The following PIBF1 variants were observed in gnomAD, a reference collection of about 807,000 sequenced individuals.
PIBF1 encodes the protein progesterone immunomodulatory binding factor 1.
In PIBF1, 90 loss-of-function variants were observed where a neutral mutation model predicts 112.5. The ratio of observed to expected loss-of-function variants is 0.80; its 90% CI spans 0.67 to 0.95. The LOEUF (loss-of-function observed/expected upper bound fraction) is 0.95. Ranked by LOEUF, PIBF1 falls within the 40% of genes least tolerant of loss-of-function variation. The probability of loss-of-function intolerance (pLI) is 0.00; values close to 1 mark genes in which losing one functional copy is unlikely to be tolerated. For missense variants in PIBF1, 915 were observed against 852.3 expected, an observed-to-expected ratio of 1.07 and a Z score of -0.92; for synonymous variants, 301 against 288.6, an observed-to-expected ratio of 1.04 and a Z score of -0.44.
At chr13:72,921,037 G>T (rs758120874) in intron 13 of PIBF1, among the ~76,000 whole-genome samples, 1 of 151,998 alleles carries the variant, frequency 6.6e-6, no homozygotes, top group Non-Finnish European at 1.5e-5. Context: ...ATATTTTAGG[G>T]TAGCATTTAA....
At chr13:72,937,289 T>C (rs1198611650) in intron 14 of PIBF1, among the ~76,000 whole-genome samples, 1 of 152,234 alleles carries the variant, frequency 6.6e-6, no homozygotes, top group Non-Finnish European at 1.5e-5. Flanking sequence ...CATTTTATCT[T>C]ATTGTTGCTT....
chr13:72,890,149 T>G (rs894155844), intron 10 of PIBF1, among the ~76,000 whole-genome samples: 5 of 152,186 alleles, frequency 3.3e-5, no homozygotes, highest in African/African-American at 1.2e-4. Context: ...AATTTTGTTA[T>G]GAAAACCTGT....
intron 8 of PIBF1, among the ~76,000 whole-genome samples, chr13:72,829,873 A>G (rs1248101068): frequency 6.6e-6 from 1 of 152,188 alleles, no homozygotes; most frequent in Non-Finnish European, 1.5e-5. Context: ...TTTGGGCAGT[A>G]TGGCCATTTT....
At chr13:72,908,229 T>G (rs2040767255) in intron 11 of PIBF1, among the ~76,000 whole-genome samples, 1 of 152,188 alleles carries the variant, frequency 6.6e-6, no homozygotes, top group Non-Finnish European at 1.5e-5. Context: ...ACATTGTATT[T>G]TTTTAAATTC....
chr13:72,910,452 CTT>C (rs1322242583), intron 12 of PIBF1, among the ~76,000 whole-genome samples: 1 of 152,098 alleles, frequency 6.6e-6, no homozygotes, highest in Non-Finnish European at 1.5e-5. Flanking sequence ...GCATATTTCC[CTT>C]TGTCTAAACA....
At chr13:72,943,183 T>C (rs2042057864) in intron 14 of PIBF1, among the ~76,000 whole-genome samples, 2 of 152,096 alleles carry the variant, frequency 1.3e-5, no homozygotes, top group Non-Finnish European at 2.9e-5. Context: ...AATAGTAGAA[T>C]AATAGTCACC....
chr13:72,988,924 G>C (rs1566523444), intron 16 of PIBF1, among the ~76,000 whole-genome samples: 1 of 152,076 alleles, frequency 6.6e-6, no homozygotes, highest in Non-Finnish European at 1.5e-5. Context: ...TGTAATCCCA[G>C]GTACTCAGGA....
intron 12 of PIBF1, among the ~76,000 whole-genome samples, chr13:72,916,414 A>ATATTT (rs367708260): frequency 2.7e-5 from 4 of 148,952 alleles, no homozygotes; most frequent in African/African-American, 1.0e-4. Flanking sequence ...ATATATATAT[A>ATATTT]TTTTTTTAAT....
rs1228971710 is a variant in PIBF1, at chr13:72,987,837, A to AATTTATTT, written c.2050-10968_2050-10961dup. ...TTCTTGAGTTTTTTTTATTTTTTGT[A>AATTTATTT]ATTTATTTATTTATTTATTTATTTT... On this transcript the variant is annotated intron_variant, in intron 16 of 17. Transcript: ENST00000326291. Among the ~76,000 whole-genome samples, 251 of 101,880 alleles carry AATTTATTT rather than the reference A, an allele frequency of 2.5e-3. 14 individuals carry two copies. Among genetic ancestry groups the AATTTATTT allele is most frequent in the African/African-American group, 0.01 (215 of 21,212 alleles). The allele number at this position is 101,880 out of a possible 152,430, so 66.8% of individuals were successfully genotyped here.
chr13:72,856,847 TG>T (rs1320228344), intron 10 of PIBF1, among the ~76,000 whole-genome samples: 1 of 152,194 alleles, frequency 6.6e-6, no homozygotes, highest in Non-Finnish European at 1.5e-5. Context: ...AATTTTCAAA[TG>T]ACTTTGAAAC....
At position 72,842,598 on chromosome 13, in the gene PIBF1, G is replaced by C. The variant is rs139182717; in HGVS notation, c.1223+7230G>C. ...TTGAATCTATTTACAAAGGTTAGTT[G>C]AGTATATGTATTGTATTACAATGGT... On this transcript the variant is annotated intron_variant, in intron 9 of 17. Coordinates refer to ENST00000326291, the MANE Select transcript of PIBF1 (RefSeq NM_006346.4). 6.9e-3 allele frequency among the ~76,000 whole-genome samples: 1,054 copies of C among 152,306 alleles called. 15 individuals carry two copies. Among genetic ancestry groups the C allele is most frequent in the African/African-American group, 0.024 (1,017 of 41,574 alleles).
chr13:72,891,910 GA>G (rs1014660407), intron 10 of PIBF1, among the ~76,000 whole-genome samples: 55 of 152,170 alleles, frequency 3.6e-4, no homozygotes, highest in African/African-American at 1.3e-3. Context: ...TCTACAACAT[GA>G]ATGAACCTTG....
intron 15 of PIBF1, among the ~76,000 whole-genome samples, chr13:72,971,502 G>T (rs1254716444): frequency 6.6e-6 from 1 of 152,086 alleles, no homozygotes; most frequent in African/African-American, 2.4e-5. Context: ...CTCAGCTCTT[G>T]TGGGATCTCT....
At position 72,968,162 on chromosome 13, in the gene PIBF1, C is replaced by T. The variant is rs151287420; in HGVS notation, c.1964+2758C>T. Among the ~76,000 whole-genome samples, 1,307 of 151,732 alleles carry T rather than the reference C, an allele frequency of 8.6e-3. 65 individuals are homozygous for T. The highest frequency in any genetic ancestry group is 9.2e-3 in the East Asian group (47 of 5,112). Reference sequence around the variant, plus strand: ...TTGCGCCACTGCACTCCAACCTGGGCGACAGAGCCAGACTCCGTCTCCAAA... The same window carrying T: ...TTGCGCCACTGCACTCCAACCTGGGTGACAGAGCCAGACTCCGTCTCCAAA... On this transcript the variant is annotated intron_variant, in intron 15 of 17. Transcript: ENST00000326291.
chr13:72,991,659 C>T (rs992034492), intron 16 of PIBF1, among the ~76,000 whole-genome samples: 3 of 151,778 alleles, frequency 2.0e-5, no homozygotes, highest in African/African-American at 7.3e-5. Context: ...GAGCCTGAGG[C>T]AGGTGGATCA....
chr13:72,815,833 C>CT (rs1285728773), intron 5 of PIBF1, among the ~76,000 whole-genome samples: 1 of 152,106 alleles, frequency 6.6e-6, no homozygotes, highest in Non-Finnish European at 1.5e-5. Context: ...ACTGTTAATA[C>CT]TGTTAAGGCT....
intron 9 of PIBF1, among the ~76,000 whole-genome samples, chr13:72,847,333 T>C (rs190141541): frequency 1.3e-5 from 2 of 152,356 alleles, no homozygotes; most frequent in East Asian, 3.9e-4. Flanking sequence ...GGATAATTTA[T>C]AATGAACAGA....
chr13:72,975,159 G>A (rs922997265), intron 16 of PIBF1, among the ~76,000 whole-genome samples: 1 of 151,024 alleles, frequency 6.6e-6, no homozygotes, highest in African/African-American at 2.4e-5. Flanking sequence ...GAGTTCAAGC[G>A]AATCTCTTGG....
chr13:72,960,446 A>G (rs1456130596), intron 14 of PIBF1, among the ~76,000 whole-genome samples: 3 of 152,346 alleles, frequency 2.0e-5, no homozygotes, highest in South Asian at 2.1e-4. Context: ...ATATGTAACT[A>G]CTTTCATGAA....
Sources: allele counts gnomAD v4.1 joint callset (sites outside exome capture counted in the v4.1 genomes callset), GRCh38; gene constraint gnomAD v4.1.1; transcripts MANE v1.5; gene names NCBI Gene and HGNC (gene_info 2026-07-23, HGNC 2026-07-21).